Variants in CYTH1 observed in about 807,000 individuals in gnomAD.
The protein encoded by CYTH1 is cytohesin-1.
Under a neutral mutation model 61.8 loss-of-function variants are expected in CYTH1, and 18 were observed. The observed-to-expected ratio is 0.29, with a 90% CI of 0.20 to 0.43. The LOEUF (loss-of-function observed/expected upper bound fraction) is 0.43. Ranked by LOEUF, CYTH1 falls within the 20% of genes least tolerant of loss-of-function variation. The pLI, the probability that CYTH1 is intolerant of heterozygous loss-of-function variation, is 1.00. For missense variants in CYTH1, 336 were observed against 510.5 expected (o/e 0.66, Z 3.29); for synonymous variants, 174 against 184.3 (o/e 0.94, Z 0.45).
At chr17:78,676,796 A>T in intron 13 of CYTH1, 1 of 357,880 alleles carries the variant, frequency 2.8e-6, no homozygotes, top group Non-Finnish European at 5.5e-6. Flanking sequence ...CAAAGACAGC[A>T]GCGCAGGCCG....
intron 1 of CYTH1, among the ~76,000 whole-genome samples, chr17:78,722,820 C>G (rs2093240355): frequency 6.6e-6 from 1 of 152,126 alleles, no homozygotes; most frequent in Admixed American, 6.5e-5. Flanking sequence ...CTACTCGTGC[C>G]CAGGAAAGGT....
At chr17:78,707,135 G>C (rs997521265) in intron 3 of CYTH1, among the ~76,000 whole-genome samples, 1 of 152,196 alleles carries the variant, frequency 6.6e-6, no homozygotes, top group African/African-American at 2.4e-5. Flanking sequence ...GGACAATACA[G>C]AGACTGGCCG....
intron 9 of CYTH1, among the ~76,000 whole-genome samples, chr17:78,697,289 G>A (rs2092949157): frequency 2.3e-5 from 3 of 132,084 alleles, no homozygotes; most frequent in African/African-American, 8.7e-5. Flanking sequence ...AAAGGCTAAA[G>A]CAGAAGGCAA....
intron 11 of CYTH1, 36 bp from the exon 12 acceptor site, chr17:78,681,078 C>T: frequency 6.2e-7 from 1 of 1,602,328 alleles, no homozygotes. Context: ...TTTAAGATCA[C>T]AGTTTAAGGA....
intron 11 of CYTH1, among the ~76,000 whole-genome samples, chr17:78,682,381 A>G (rs1345751033): frequency 2.0e-5 from 3 of 152,194 alleles, no homozygotes; most frequent in African/African-American, 7.2e-5. Flanking sequence ...CATTTCTTGA[A>G]GTAATCCTTC....
rs754370532 is a variant in CYTH1, at chr17:78,675,161, C to A, written c.*930G>T. 7.2e-5 allele frequency: 11 copies of A among 152,216 alleles called. No homozygotes were observed. Among genetic ancestry groups the A allele is most frequent in the Non-Finnish European group, 1.6e-4 (11 of 68,040 alleles). 9.4% of individuals were successfully genotyped at this position (152,216 alleles called of 1,614,324 possible). On this transcript the variant is annotated 3_prime_UTR_variant, in exon 14 of 14. Coordinates refer to ENST00000446868, the MANE Select transcript of CYTH1 (RefSeq NM_004762.6). ...TTATCCGGAACCTCTGTCCCGATAA[C>A]CTTCCTCACAGTTTTGGTTATTAGG... is the stretch of plus-strand genomic sequence containing the variant.
At chr17:78,730,548 AAC>A (rs1407938207) in intron 1 of CYTH1, among the ~76,000 whole-genome samples, 2 of 151,454 alleles carry the variant, frequency 1.3e-5, no homozygotes, top group East Asian at 3.9e-4. Flanking sequence ...AAAAAAAAAC[AAC>A]AGTCACTGAC....
chr17:78,761,120 A>AC (rs1342619797), intron 1 of CYTH1, among the ~76,000 whole-genome samples: 2 of 152,044 alleles, frequency 1.3e-5, no homozygotes, highest in Non-Finnish European at 2.9e-5. Flanking sequence ...GGTGTGAGCC[A>AC]CCGCGCCCAG....
chr17:78,695,401 G>T (rs918509644), intron 10 of CYTH1, among the ~76,000 whole-genome samples: 3 of 152,138 alleles, frequency 2.0e-5, no homozygotes, highest in Non-Finnish European at 4.4e-5. Flanking sequence ...CCTTCACTCG[G>T]TATCATTTTG....
Position 78,702,233 on chromosome 17 carries a change from T to C in CYTH1, c.245A>G (p.Gln82Arg), listed in dbSNP as rs1447390123. ...KFNMDPKKGI[Q>R]FLIENDLLKN... ...CAGGAGGTCGTTCTCTATTAAGAAC[T>C]GGATCCCCTAGAAAAAGACAACAAA... Residue 82 changes from glutamine (Q) to arginine (R), a missense_variant, in exon 5 of 14, where the codon CAG becomes CGG. Around this residue, in one of 4 missense-constraint regions of CYTH1, gnomAD observed 112 missense variants for 127.1 expected, o/e 0.88. Transcript: ENST00000446868. 7 of 1,612,722 alleles carry C rather than the reference T, an allele frequency of 4.3e-6. No individual in the cohort carries two copies. Among genetic ancestry groups the C allele is most frequent in the Non-Finnish European group, 5.9e-6 (7 of 1,179,068 alleles).
At chr17:78,716,762 C>T (rs1027893021) in intron 1 of CYTH1, among the ~76,000 whole-genome samples, 2 of 152,186 alleles carry the variant, frequency 1.3e-5, no homozygotes, top group Non-Finnish European at 2.9e-5. Flanking sequence ...ACAGAAAAAA[C>T]ATCCAAAAAC....
intron 1 of CYTH1, among the ~76,000 whole-genome samples, chr17:78,711,312 TATACACAC>T (rs1283848132): frequency 1.5e-5 from 2 of 132,130 alleles, no homozygotes; most frequent in Admixed American, 7.7e-5. Flanking sequence ...AATATATATA[TATACACAC>T]ACACACACAC....
At chr17:78,715,197 C>T (rs1293363143) in intron 1 of CYTH1, among the ~76,000 whole-genome samples, 1 of 152,132 alleles carries the variant, frequency 6.6e-6, no homozygotes. Context: ...ATTAATCAGA[C>T]CACCCACGAG....
chr17:78,708,807 T>C (rs1050789423), intron 2 of CYTH1: 1 of 154,332 alleles, frequency 6.5e-6, no homozygotes, highest in African/African-American at 2.4e-5. Flanking sequence ...CACGGGGAAG[T>C]GGGGCTTAAG....
intron 10 of CYTH1, among the ~76,000 whole-genome samples, chr17:78,694,229 T>C (rs1420473663): frequency 6.6e-6 from 1 of 152,250 alleles, no homozygotes; most frequent in African/African-American, 2.4e-5. Context: ...CTTACGTGAC[T>C]GATCATTAAT....
chr17:78,768,656 A>G (rs2093458420), intron 1 of CYTH1, among the ~76,000 whole-genome samples: 1 of 150,648 alleles, frequency 6.6e-6, no homozygotes, highest in African/African-American at 2.4e-5. Context: ...CCTACCTCCT[A>G]CTCCCACAGC....
chr17:78,754,155 T>C (rs2093391631), intron 1 of CYTH1, among the ~76,000 whole-genome samples: 1 of 152,158 alleles, frequency 6.6e-6, no homozygotes, highest in African/African-American at 2.4e-5. Flanking sequence ...CGCATCTAGA[T>C]AAACTCGGAA....
chr17:78,676,466 T>C, intron 13 of CYTH1: 1 of 400,010 alleles, frequency 2.5e-6, no homozygotes, highest in African/African-American at 2.0e-5. Flanking sequence ...CTTACAGCTA[T>C]ATTCCAATTC....
At chr17:78,757,343 T>C (rs1222358425) in intron 1 of CYTH1, among the ~76,000 whole-genome samples, 1 of 152,120 alleles carries the variant, frequency 6.6e-6, no homozygotes, top group Non-Finnish European at 1.5e-5. Context: ...AACCCTCCTA[T>C]GAATTAAACA....
Sources: gnomAD v4.1 joint callset for allele counts (sites outside exome capture counted in the v4.1 genomes callset) on GRCh38, gnomAD v4.1.1 for gene constraint, gnomAD v4.1.1 regional missense constraint, MANE v1.5 for transcripts, NCBI Gene and HGNC (gene_info 2026-07-23, HGNC 2026-07-21) for gene names.